ACOX3: variants seen among roughly 807,000 people sequenced by gnomAD.
ACOX3 encodes the protein acyl-CoA oxidase 3, pristanoyl, also known as peroxisomal acyl-coenzyme A oxidase 3.
A neutral mutation model predicts 81.5 loss-of-function variants in ACOX3; 73 were observed. The observed-to-expected ratio is 0.90, with a 90% CI of 0.74 to 1.09. The LOEUF (loss-of-function observed/expected upper bound fraction) is 1.09. Among genes scored for constraint, ACOX3 ranks in the 50% least tolerant of loss-of-function variants. ACOX3 has a pLI of 0.00. For synonymous variants in ACOX3, 387 were observed against 375.1 expected, an observed-to-expected ratio of 1.03 and a Z score of -0.37; for missense variants, 947 against 928.0, an observed-to-expected ratio of 1.02 and a Z score of -0.27.
intron 3 of ACOX3, among the ~76,000 whole-genome samples, chr4:8,415,348 T>C (rs563768018): frequency 7.9e-5 from 12 of 152,156 alleles, no homozygotes; most frequent in South Asian, 2.1e-4. Context: ...CAAGCTCAGC[T>C]CTGCTGGTAT....
chr4:8,415,948 C>G lies in ACOX3; in HGVS notation c.196G>C (p.Gly66Arg), dbSNP rs370031306. Residue 66 changes from glycine to arginine, a missense_variant, in exon 3 of 18, where the codon GGA becomes CGA. Coordinates refer to ENST00000356406, the MANE Select transcript of ACOX3 (RefSeq NM_003501.3). ...ENDPLFARSP[G>R]ADLSLEKYRE... ...TACTTCTCCAAGGACAGATCGGCTCCAGGGGAACGAGCGAAAAGAGGGTCA... is the reference window on the plus strand; with the variant it reads ...TACTTCTCCAAGGACAGATCGGCTCGAGGGGAACGAGCGAAAAGAGGGTCA... The G allele has an allele frequency of 1.9e-6, 3 of 1,614,070 alleles. No homozygotes were observed. The African/African-American group carries it at 4.0e-5, about 22-fold the overall frequency.
At chr4:8,390,105 C>CAAAAAAAA (rs752872641) in intron 11 of ACOX3, among the ~76,000 whole-genome samples, 1 of 129,748 alleles carries the variant, frequency 7.7e-6, no homozygotes. Context: ...CCTGTCTCAA[C>CAAAAAAAA]AACAACAACA....
chr4:8,426,974 G>A (rs1032433055), intron 1 of ACOX3, among the ~76,000 whole-genome samples: 10 of 152,212 alleles, frequency 6.6e-5, no homozygotes, highest in Non-Finnish European at 1.3e-4. Context: ...AGCGGTCATC[G>A]GCCAACCTCC....
Position 8,382,261 on chromosome 4 carries a change from C to T in ACOX3, c.1538-654G>A, listed in dbSNP as rs1260391385. ...GTCAGGCAGGACAGCTGGAGACCCC[C>T]CTTCGTCCTCCCCTTCCCCTGGCAG... On this transcript the variant is annotated intron_variant, in intron 13 of 17. Transcript: ENST00000356406. This position sits in a 1 kb window ranked among gnomAD's most constrained non-coding sequence, Gnocchi z 4.1. Among the ~76,000 whole-genome samples the T allele has an allele frequency of 6.6e-6, 1 of 152,224 alleles. No homozygotes were observed. The highest frequency in any genetic ancestry group is 1.5e-5 in the Non-Finnish European group (1 of 68,020).
rs1398415284 is a variant in ACOX3 at position 8,385,145 on chromosome 4, G to C, written c.1538-3538C>G. On this transcript the variant is annotated intron_variant, in intron 13 of 17. Transcript: ENST00000356406. The surrounding 1 kb of genome is among the most constrained non-coding windows in gnomAD (Gnocchi z 5.5). ...TCAGAGAGATTAAAGCCTAGCTCAAGGTCACAGCGGGGGGCAGTGCTGACC... is the reference window on the plus strand; with the variant it reads ...TCAGAGAGATTAAAGCCTAGCTCAACGTCACAGCGGGGGGCAGTGCTGACC... Among the ~76,000 whole-genome samples, 1 of 152,142 alleles carries C rather than the reference G, an allele frequency of 6.6e-6. No individual in the cohort carries two copies. Among genetic ancestry groups the C allele is most frequent in the Non-Finnish European group, 1.5e-5 (1 of 68,024 alleles).
chr4:8,392,266 C>T, intron 11 of ACOX3, 67 bp downstream of exon 11: 2 of 1,375,694 alleles, frequency 1.5e-6, no homozygotes, highest in Non-Finnish European at 1.9e-6. Flanking sequence ...AGTCTGCCGA[C>T]CCCTGGTCTA....
rs1718083362 is a variant in ACOX3 at position 8,384,628 on chromosome 4, CT to C, written c.1538-3022del. Among the ~76,000 whole-genome samples, 1 of 152,214 alleles carries C rather than the reference CT, an allele frequency of 6.6e-6. No homozygotes were observed. Among genetic ancestry groups the C allele is most frequent in the African/African-American group, 2.4e-5 (1 of 41,454 alleles). ...CAATGACTGCCCCTCGATCTGCCCCCTCCCCAGCTGGGGCTCTGTCCTTGAC... is the reference window on the plus strand; with the variant it reads ...CAATGACTGCCCCTCGATCTGCCCCCCCCCAGCTGGGGCTCTGTCCTTGAC... On this transcript the variant is annotated intron_variant, in intron 13 of 17. Transcript: ENST00000356406. This position sits in a 1 kb window ranked among gnomAD's most constrained non-coding sequence, Gnocchi z 5.3.
At chr4:8,371,064 C>T (rs1716128427) in intron 16 of ACOX3, 70 bp from the exon 17 acceptor site, 1 of 1,477,382 alleles carries the variant, frequency 6.8e-7, no homozygotes, top group Non-Finnish European at 9.4e-7. Context: ...GCATAACAGC[C>T]CCGTGTGTGG....
intron 11 of ACOX3, among the ~76,000 whole-genome samples, chr4:8,391,146 T>C (rs1009593675): frequency 6.6e-6 from 1 of 152,200 alleles, no homozygotes; most frequent in Non-Finnish European, 1.5e-5. Flanking sequence ...CAACTATTTA[T>C]AGAATCCCGA....
Position 8,415,769 on chromosome 4 carries a change from G to C in ACOX3, c.375C>G (p.Ser125Arg). ...SSLAAKYLLH[S>R]LVFGSAVYSS... ...CTCCCCTAGGCCGCATGCTCACCAA[G>C]CTATGGAGGAGGTACTTGGCAGCCA... The change falls in exon 3 of 18, where the codon AGC becomes AGG. Residue 125 changes from serine (S) to arginine (R), a missense_variant. By Grantham distance (110) the Ser-to-Arg change is moderately radical. Coordinates refer to ENST00000356406, the MANE Select transcript of ACOX3 (RefSeq NM_003501.3). 6.2e-7 allele frequency: 1 copy of C among 1,613,778 alleles called. No individual in the cohort carries two copies. The highest frequency in any genetic ancestry group is 1.1e-5 in the South Asian group (1 of 91,062).
chr4:8,420,233 CATTATGGTA>C (rs1722787832), intron 1 of ACOX3, among the ~76,000 whole-genome samples: 1 of 152,202 alleles, frequency 6.6e-6, no homozygotes, highest in Non-Finnish European at 1.5e-5. Context: ...AACCTTACTG[CATTATGGTA>C]CAACTGTTAG....
intron 13 of ACOX3, among the ~76,000 whole-genome samples, chr4:8,388,393 G>T (rs1718556048): frequency 6.6e-6 from 1 of 152,212 alleles, no homozygotes; most frequent in Non-Finnish European, 1.5e-5. Context: ...AGCACATAAC[G>T]AGCACGTGCA....
chr4:8,393,636 C>T (rs367940000), intron 10 of ACOX3, among the ~76,000 whole-genome samples: 49,631 of 138,690 alleles, frequency 0.36, 8,865 homozygotes, highest in South Asian at 0.47. Flanking sequence ...CACACACACA[C>T]GCACACACAC....
chr4:8,418,032 G>A (rs1182676946), intron 1 of ACOX3, among the ~76,000 whole-genome samples: 3 of 152,216 alleles, frequency 2.0e-5, no homozygotes, highest in African/African-American at 7.2e-5. Context: ...TGAAGAGATT[G>A]AATTAGCAAT....
intron 1 of ACOX3, among the ~76,000 whole-genome samples, chr4:8,425,348 G>A (rs1264051516): frequency 1.3e-5 from 2 of 151,940 alleles, no homozygotes; most frequent in African/African-American, 4.8e-5. Flanking sequence ...GAAATAGGAT[G>A]GGGAACCTCA....
chr4:8,376,495 A>G (rs1459006031), intron 14 of ACOX3, among the ~76,000 whole-genome samples: 1 of 152,202 alleles, frequency 6.6e-6, no homozygotes, highest in Non-Finnish European at 1.5e-5. Context: ...AGCACACGGC[A>G]GCAGGGTCTC....
At chr4:8,397,925 C>G (rs1310083787) in intron 8 of ACOX3, among the ~76,000 whole-genome samples, 1 of 152,234 alleles carries the variant, frequency 6.6e-6, no homozygotes, top group Non-Finnish European at 1.5e-5. Flanking sequence ...CTTTGGGAGG[C>G]TGAGGTGGGC....
rs1313631217 is a variant in ACOX3 at position 8,410,203 on chromosome 4, G to A, written c.687+9C>T. The stretch of plus-strand genomic sequence containing the variant: ...ACTGCCCCCACTGAGGGCCACCCCA[G>A]CGTCCTACCTGCACGATAAAGGGAT... On this transcript the variant is annotated intron_variant, in intron 6 of 17. Transcript: ENST00000356406. 1 of 1,612,282 alleles carries A rather than the reference G, an allele frequency of 6.2e-7. No homozygotes were observed. Among genetic ancestry groups the A allele is most frequent in the Non-Finnish European group, 8.5e-7 (1 of 1,178,948 alleles).
intron 14 of ACOX3, among the ~76,000 whole-genome samples, chr4:8,380,363 G>C (rs541110142): frequency 2.1e-4 from 32 of 152,012 alleles, no homozygotes; most frequent in African/African-American, 7.2e-4. Flanking sequence ...CCAATTTTTT[G>C]TATTTTTAGG....
Sources: gnomAD v4.1 joint callset for allele counts (sites outside exome capture counted in the v4.1 genomes callset) on GRCh38, gnomAD v4.1.1 for gene constraint, Gnocchi (gnomAD v3.1) non-coding constraint, MANE v1.5 for transcripts, NCBI Gene and HGNC (gene_info 2026-07-23, HGNC 2026-07-21) for gene names.